TCEANC2: variants seen among roughly 807,000 people sequenced by gnomAD.
TCEANC2 encodes the protein transcription elongation factor A N-terminal and central domain-containing protein 2.
Under a neutral mutation model 22.8 loss-of-function variants are expected in TCEANC2, and 20 were observed. The ratio of observed to expected loss-of-function variants is 0.88; its 90% confidence interval spans 0.62 to 1.28. The LOEUF (loss-of-function observed/expected upper bound fraction) is 1.28, where lower values mean the gene tolerates loss of function less well. TCEANC2 is among the 50% of genes most tolerant of loss of function. TCEANC2 has a pLI of 0.00. For synonymous variants in TCEANC2, 84 were observed against 95.5 expected (o/e 0.88, Z 0.70); for missense variants, 251 against 249.7 (o/e 1.01, Z -0.03).
chr1:54,054,761 T>C lies in TCEANC2; in HGVS notation c.102+237T>C, dbSNP rs530744032. Among the ~76,000 whole-genome samples, 3 of 152,336 alleles carry C rather than the reference T, an allele frequency of 2.0e-5. No homozygotes were observed. In the South Asian group the frequency reaches 6.2e-4, roughly 32 times the overall value. The stretch of plus-strand genomic sequence containing the variant: ...GGTTTACACCATGTGTGCTAGCTCG[T>C]AGGACAAGTCCCCTTCGTTGTTATT... On this transcript the variant is annotated intron_variant, in intron 2 of 4. Transcript: ENST00000234827.
At chr1:54,061,967 G>A (rs144063945) in intron 2 of TCEANC2, among the ~76,000 whole-genome samples, 51 of 152,298 alleles carry the variant, frequency 3.3e-4, no homozygotes, top group African/African-American at 1.1e-3. Flanking sequence ...TCCCTTAAGA[G>A]GAAGTGATTT....
intron 3 of TCEANC2, among the ~76,000 whole-genome samples, chr1:54,086,381 C>T (rs1658340653): frequency 6.6e-6 from 1 of 152,088 alleles, no homozygotes; most frequent in African/African-American, 2.4e-5. Flanking sequence ...AAGCAGAGAG[C>T]AGGGGTACTG....
chr1:54,064,332 A>G (rs538030898), intron 2 of TCEANC2, among the ~76,000 whole-genome samples: 2 of 152,352 alleles, frequency 1.3e-5, no homozygotes, highest in East Asian at 3.9e-4. Context: ...GCGTAAAGCA[A>G]CAAATGGAGC....
At chr1:54,058,138 A>G (rs1657787326) in intron 2 of TCEANC2, among the ~76,000 whole-genome samples, 1 of 152,218 alleles carries the variant, frequency 6.6e-6, no homozygotes, top group Non-Finnish European at 1.5e-5. Flanking sequence ...GAGTCAACAT[A>G]TGTAAAGTGT....
rs919082147 is a variant in TCEANC2, at chr1:54,097,890, G to C, written c.*1417G>C. ...TAATCGAGCGTTTACCCTGGGCCCA[G>C]CACTGTGGTAACCATTTTACAAAAA... On this transcript the variant is annotated 3_prime_UTR_variant, in exon 5 of 5. Transcript: ENST00000234827. 6.6e-6 allele frequency: 1 copy of C among 152,128 alleles called. No homozygotes were observed. The highest frequency in any genetic ancestry group is 2.4e-5 in the African/African-American group (1 of 41,418). 9.4% of individuals were successfully genotyped at this position (152,128 alleles called of 1,614,324 possible).
At chr1:54,110,364 C>T (rs1000980599), downstream of TCEANC2, among the ~76,000 whole-genome samples, 11 of 152,000 alleles carry the variant, frequency 7.2e-5, no homozygotes, top group African/African-American at 2.4e-4. Flanking sequence ...TTTAGGAAGC[C>T]GAGGTGGGAG....
chr1:54,059,120 A>T (rs886999404), intron 2 of TCEANC2, among the ~76,000 whole-genome samples: 10 of 151,036 alleles, frequency 6.6e-5, no homozygotes, highest in African/African-American at 2.4e-4. Context: ...ATCTTAGATT[A>T]TAAACTCCAT....
chr1:54,081,764 G>A (rs1337204730), intron 3 of TCEANC2, among the ~76,000 whole-genome samples: 3 of 152,154 alleles, frequency 2.0e-5, no homozygotes, highest in African/African-American at 7.2e-5. Flanking sequence ...TTCCTGGGCT[G>A]GTTTGGCTGG....
At position 54,068,787 on chromosome 1, in the gene TCEANC2, G is replaced by A. The variant is rs1397102786; in HGVS notation, c.134G>A (p.Trp45Ter). ...RVVVVEDIKR[W>*]KTMLELPDQT... ...GTGGTTGTAGAAGACATAAAAAGAT[G>A]GAAAACTATGCTGGAGCTTCCTGAT... is the stretch of plus-strand genomic sequence containing the variant. Residue 45 changes from tryptophan to a stop codon, truncating the protein, a stop_gained, in exon 3 of 5, where the codon TGG becomes TAG. Transcript: ENST00000234827. LOFTEE classifies it high-confidence loss of function. 1 of 1,607,244 alleles carries A rather than the reference G, an allele frequency of 6.2e-7. No individual in the cohort carries two copies. The highest frequency in any genetic ancestry group is 1.1e-5 in the South Asian group (1 of 89,118).
rs1350614337 is a variant in TCEANC2, at chr1:54,098,473, A to T, written c.*2000A>T. The T allele has an allele frequency of 6.6e-6, 1 of 152,230 alleles. No individual in the cohort carries two copies. The highest frequency in any genetic ancestry group is 1.5e-5 in the Non-Finnish European group (1 of 68,052). 9.4% of individuals were successfully genotyped at this position (152,230 alleles called of 1,614,324 possible). A position where few individuals can be genotyped will look rare whatever the true frequency, so the allele number is the denominator to read the frequency against. ...AAGGCTTTTGCTGACTATCCTAAAT[A>T]CAATAGCACTCCCTCCCAACTATTC... On this transcript the variant is annotated 3_prime_UTR_variant, in exon 5 of 5. Transcript: ENST00000234827.
chr1:54,075,268 G>A (rs1244784309), intron 3 of TCEANC2, among the ~76,000 whole-genome samples: 3 of 152,210 alleles, frequency 2.0e-5, no homozygotes, highest in African/African-American at 7.2e-5. Context: ...CTAAAATCAA[G>A]GGATGTACAA....
chr1:54,082,046 G>A (rs1658255370), intron 3 of TCEANC2, among the ~76,000 whole-genome samples: 2 of 152,344 alleles, frequency 1.3e-5, no homozygotes, highest in South Asian at 4.1e-4. Context: ...GGTTAAGTGT[G>A]CAGGTTCTGG....
intron 3 of TCEANC2, among the ~76,000 whole-genome samples, chr1:54,082,978 C>G (rs183042637): frequency 1.3e-5 from 2 of 151,798 alleles, no homozygotes; most frequent in East Asian, 1.9e-4. Context: ...GTGATGAGAA[C>G]CTGAATCAGG....
intron 2 of TCEANC2, among the ~76,000 whole-genome samples, chr1:54,054,942 T>C (rs1468755854): frequency 6.6e-6 from 1 of 152,232 alleles, no homozygotes; most frequent in African/African-American, 2.4e-5. Context: ...CAGCTTCAGC[T>C]GAGACTGGGA....
At chr1:54,091,473 ATG>A (rs1658446019) in intron 4 of TCEANC2, among the ~76,000 whole-genome samples, 2 of 152,220 alleles carry the variant, frequency 1.3e-5, no homozygotes, top group Non-Finnish European at 1.5e-5. Flanking sequence ...TGATCCTAGC[ATG>A]TGTTATTGCA....
Position 54,100,318 on chromosome 1 carries a change from A to G in TCEANC2, c.*3845A>G, listed in dbSNP as rs1658638646. The G allele has an allele frequency of 6.6e-6, 1 of 152,136 alleles. No individual in the cohort carries two copies. The highest frequency in any genetic ancestry group is 2.1e-4 in the South Asian group (1 of 4,820). 9.4% of individuals were successfully genotyped at this position (152,136 alleles called of 1,614,324 possible). On this transcript the variant is annotated 3_prime_UTR_variant, in exon 5 of 5. Transcript: ENST00000234827. The stretch of plus-strand genomic sequence containing the variant: ...CTCTGTGTAGGGACTCAGTCTCTGT[A>G]TTTTCATTCATTCATTCAACAAACA...
intron 3 of TCEANC2, among the ~76,000 whole-genome samples, chr1:54,075,403 T>G (rs1557689820): frequency 6.6e-6 from 1 of 152,140 alleles, no homozygotes; most frequent in African/African-American, 2.4e-5. Context: ...GGCAGAGACA[T>G]GAGTAAAGGA....
chr1:54,088,266 T>A (rs2100380991), intron 3 of TCEANC2, among the ~76,000 whole-genome samples: 1 of 152,360 alleles, frequency 6.6e-6, no homozygotes, highest in Non-Finnish European at 1.5e-5. Flanking sequence ...ATACAGTATG[T>A]ACCCCCTTCC....
downstream of TCEANC2, among the ~76,000 whole-genome samples, chr1:54,108,694 C>T (rs1052427556): frequency 2.6e-5 from 4 of 152,120 alleles, no homozygotes; most frequent in African/African-American, 7.2e-5. Context: ...CTTCTTGAGC[C>T]GGGCGTGGTG....
Sources: gnomAD v4.1 joint callset for allele counts (sites outside exome capture counted in the v4.1 genomes callset) on GRCh38, gnomAD v4.1.1 for gene constraint, MANE v1.5 for transcripts, NCBI Gene and HGNC (gene_info 2026-07-23, HGNC 2026-07-21) for gene names.